Variants in ARB2A observed in about 807,000 individuals in gnomAD.
ARB2A encodes ARB2 cotranscriptional regulator A.
At chr5:93,827,802 G>A in the ARB2A span, among the ~76,000 whole-genome samples, 11 of 151,702 alleles carry the variant, frequency 7.3e-5, no homozygotes, top group Admixed American at 6.6e-4. Context: ...TCCAGTTTCA[G>A]CTTTCTACAT....
the ARB2A span, among the ~76,000 whole-genome samples, chr5:94,070,500 C>T: frequency 2.0e-5 from 3 of 151,840 alleles, no homozygotes; most frequent in Non-Finnish European, 2.9e-5. Context: ...AAAATGTTCC[C>T]AACACATAGA....
At chr5:93,915,492 A>T in the ARB2A span, among the ~76,000 whole-genome samples, 1 of 151,844 alleles carries the variant, frequency 6.6e-6, no homozygotes, top group Non-Finnish European at 1.5e-5. Context: ...TCTATTCATG[A>T]TCAAATTCTT....
the ARB2A span, among the ~76,000 whole-genome samples, chr5:93,788,548 G>A: frequency 1.3e-5 from 2 of 152,098 alleles, no homozygotes; most frequent in African/African-American, 4.8e-5. Flanking sequence ...AAATTCAAAT[G>A]CTTCATGTCA....
the ARB2A span, among the ~76,000 whole-genome samples, chr5:93,809,166 C>CAG: frequency 2.0e-5 from 3 of 151,950 alleles, no homozygotes; most frequent in African/African-American, 7.2e-5. Context: ...CTCTACTGTA[C>CAG]AGTTCACTAT....
chr5:94,023,388 A>G, the ARB2A span, among the ~76,000 whole-genome samples: 3 of 152,228 alleles, frequency 2.0e-5, no homozygotes, highest in Admixed American at 1.3e-4. Context: ...AGCTGAAGGT[A>G]TATGAATGAA....
chr5:93,841,097 T>A, the ARB2A span, among the ~76,000 whole-genome samples: 1 of 152,106 alleles, frequency 6.6e-6, no homozygotes, highest in Non-Finnish European at 1.5e-5. Flanking sequence ...AAAATTTAGG[T>A]CTTTTCTTTT....
At chr5:94,006,073 C>A in the ARB2A span, among the ~76,000 whole-genome samples, 2 of 152,136 alleles carry the variant, frequency 1.3e-5, no homozygotes, top group Non-Finnish European at 2.9e-5. Flanking sequence ...GACAAAATAA[C>A]CTGTACATAA....
At chr5:93,744,233 A>G in the ARB2A span, among the ~76,000 whole-genome samples, 1 of 151,780 alleles carries the variant, frequency 6.6e-6, no homozygotes, top group Non-Finnish European at 1.5e-5. Flanking sequence ...TCAGGAGTTC[A>G]AGACCAGCCT....
the ARB2A span, among the ~76,000 whole-genome samples, chr5:93,949,251 G>A: frequency 3.3e-5 from 5 of 151,824 alleles, no homozygotes; most frequent in Non-Finnish European, 7.4e-5. Context: ...TACATCAGGC[G>A]TGAGCCACTT....
chr5:93,973,773 G>C, the ARB2A span, among the ~76,000 whole-genome samples: 1 of 152,234 alleles, frequency 6.6e-6, no homozygotes, highest in East Asian at 1.9e-4. Context: ...CATTCTTTAA[G>C]AAAAGAAATT....
At chr5:93,649,768 C>A in the ARB2A span, among the ~76,000 whole-genome samples, 1 of 152,228 alleles carries the variant, frequency 6.6e-6, no homozygotes, top group Non-Finnish European at 1.5e-5. Context: ...TTGATGAATA[C>A]CTCAGGCTTT....
the ARB2A span, among the ~76,000 whole-genome samples, chr5:93,853,101 C>T: frequency 1.3e-5 from 2 of 148,514 alleles, no homozygotes; most frequent in Admixed American, 1.3e-4. Flanking sequence ...ATGGAATGTT[C>T]TTCCATTTGT....
the ARB2A span, among the ~76,000 whole-genome samples, chr5:93,652,899 G>A: frequency 2.0e-5 from 3 of 152,100 alleles, no homozygotes; most frequent in Non-Finnish European, 4.4e-5. Flanking sequence ...GTTGTAGCAG[G>A]TGGAAAAAAA....
chr5:93,893,479 A>G, the ARB2A span, among the ~76,000 whole-genome samples: 1 of 152,364 alleles, frequency 6.6e-6, no homozygotes, highest in East Asian at 1.9e-4. Flanking sequence ...ACGGGTGTCC[A>G]GTAATGGTTA....
At chr5:94,018,138 T>G in the ARB2A span, among the ~76,000 whole-genome samples, 2 of 152,136 alleles carry the variant, frequency 1.3e-5, no homozygotes, top group Non-Finnish European at 2.9e-5. Context: ...TCTTTATCAG[T>G]GGTGTAAAAA....
the ARB2A span, among the ~76,000 whole-genome samples, chr5:93,798,606 A>C: frequency 6.6e-6 from 1 of 152,160 alleles, no homozygotes; most frequent in Non-Finnish European, 1.5e-5. Context: ...ATCACATAGA[A>C]GAAAAGAATG....
the ARB2A span, among the ~76,000 whole-genome samples, chr5:93,696,685 G>A: frequency 3.9e-5 from 6 of 152,128 alleles, no homozygotes; most frequent in African/African-American, 1.4e-4. Context: ...AGAGATAGAA[G>A]TGTTTTTTTT....
the ARB2A span, among the ~76,000 whole-genome samples, chr5:93,707,721 C>T: frequency 2.6e-5 from 4 of 151,568 alleles, no homozygotes; most frequent in African/African-American, 9.7e-5. Context: ...ATTACAGATG[C>T]CCGCCCCCAC....
the ARB2A span, among the ~76,000 whole-genome samples, chr5:93,674,050 C>A: frequency 6.6e-6 from 1 of 152,008 alleles, no homozygotes; most frequent in African/African-American, 2.4e-5. Context: ...GGAGTCTAAT[C>A]GGAAACACTT....
Sources: gnomAD v4.1 joint callset for allele counts (sites outside exome capture counted in the v4.1 genomes callset) on GRCh38, gnomAD v4.1.1 for gene constraint, MANE v1.5 for transcripts, NCBI Gene and HGNC (gene_info 2026-07-23, HGNC 2026-07-21) for gene names.